Variants in CSMD1 observed in about 807,000 individuals in gnomAD.
The protein encoded by CSMD1 is CUB and Sushi multiple domains 1, also known as CUB and sushi domain-containing protein 1.
In CSMD1, 213 loss-of-function variants were observed where a neutral mutation model predicts 417.5. That is an observed-to-expected ratio of 0.51 (90% confidence interval 0.46 to 0.57). The LOEUF is 0.57. CSMD1 is among the 20% of genes least tolerant of loss of function. The probability of loss-of-function intolerance (pLI) is 0.00; values close to 1 mark genes in which losing one functional copy is unlikely to be tolerated. For missense variants in CSMD1, 6,923 were observed against 4,529.7 expected (o/e 1.53, Z -15.17); for synonymous variants, 2,862 against 1,736.8 (o/e 1.65, Z -16.11).
chr8:3,442,829 GA>G (rs566936771), intron 12 of CSMD1, among the ~76,000 whole-genome samples: 4 of 151,086 alleles, frequency 2.6e-5, no homozygotes, highest in Non-Finnish European at 2.9e-5. Context: ...TTAGTACATA[GA>G]TTTTTTTTTT....
chr8:4,602,884 C>G (rs12676704), intron 2 of CSMD1, among the ~76,000 whole-genome samples: 2 of 151,376 alleles, frequency 1.3e-5, no homozygotes, highest in Non-Finnish European at 2.9e-5. Flanking sequence ...TAAATAATAA[C>G]GCTATCATAT....
chr8:3,574,727 G>T (rs1449839693), intron 10 of CSMD1, among the ~76,000 whole-genome samples: 1 of 152,178 alleles, frequency 6.6e-6, no homozygotes, highest in East Asian at 1.9e-4. Flanking sequence ...CTCTCCAGAA[G>T]CACTAAATGG....
At chr8:4,463,742 G>T (rs956462710) in intron 2 of CSMD1, among the ~76,000 whole-genome samples, 1 of 152,152 alleles carries the variant, frequency 6.6e-6, no homozygotes, top group African/African-American at 2.4e-5. Context: ...TTTGGGCCGT[G>T]GGGCTGAGGG....
At chr8:3,985,929 C>A (rs372695692) in intron 5 of CSMD1, among the ~76,000 whole-genome samples, 46 of 104,540 alleles carry the variant, frequency 4.4e-4, no homozygotes, top group African/African-American at 1.7e-3. Context: ...TTTTGCATAA[C>A]TCAATTTTTT....
At chr8:3,456,217 T>C (rs558592000) in intron 12 of CSMD1, among the ~76,000 whole-genome samples, 2 of 152,226 alleles carry the variant, frequency 1.3e-5, no homozygotes, top group South Asian at 4.1e-4. Context: ...GTCACCCCTT[T>C]CTTTGACTAG....
chr8:4,359,039 C>T (rs1801600895), intron 3 of CSMD1, among the ~76,000 whole-genome samples: 1 of 151,894 alleles, frequency 6.6e-6, no homozygotes, highest in African/African-American at 2.4e-5. Flanking sequence ...ATATATGTGG[C>T]AAAATCAATA....
At chr8:3,556,500 A>G (rs945565086) in intron 10 of CSMD1, among the ~76,000 whole-genome samples, 5 of 137,780 alleles carry the variant, frequency 3.6e-5, no homozygotes, top group Admixed American at 1.5e-4. Context: ...ACAAAATACA[A>G]ACTTCTTTTT....
intron 1 of CSMD1, among the ~76,000 whole-genome samples, chr8:4,741,831 T>C (rs894128490): frequency 3.3e-5 from 5 of 151,878 alleles, no homozygotes; most frequent in Admixed American, 6.6e-5. Context: ...TTTAAGGAGT[T>C]TGGGTGTTAT....
At chr8:3,599,401 C>A (rs1228670839) in intron 8 of CSMD1, among the ~76,000 whole-genome samples, 1 of 151,642 alleles carries the variant, frequency 6.6e-6, no homozygotes, top group African/African-American at 2.4e-5. Context: ...CAGCATTATT[C>A]ACCACAATAT....
intron 2 of CSMD1, among the ~76,000 whole-genome samples, chr8:4,566,461 G>A (rs1798612477): frequency 6.6e-6 from 1 of 151,586 alleles, no homozygotes; most frequent in Admixed American, 6.6e-5. Context: ...AGACCATCCT[G>A]GCTAACAAGG....
intron 3 of CSMD1, among the ~76,000 whole-genome samples, chr8:4,301,223 A>C (rs984993855): frequency 1.3e-5 from 2 of 152,286 alleles, no homozygotes; most frequent in East Asian, 3.9e-4. Context: ...CTAGTTTGTC[A>C]AAACAATCTC....
Position 3,781,248 on chromosome 8 carries a change from G to A in CSMD1, c.819-27206C>T, listed in dbSNP as rs547024056. ...TGCACCTGTTCAATTTTGTGAATCA[G>A]AATGTGCACTACCACAGAGTACATG... On this transcript the variant is annotated intron_variant, in intron 5 of 69. Coordinates refer to ENST00000635120, the MANE Select transcript of CSMD1 (RefSeq NM_033225.6). Among the ~76,000 whole-genome samples, 4 of 152,254 alleles carry A rather than the reference G, an allele frequency of 2.6e-5. No individual in the cohort carries two copies. The East Asian group carries it at 7.7e-4, about 29-fold the overall frequency.
chr8:4,069,451 T>C (rs544001756), intron 3 of CSMD1, among the ~76,000 whole-genome samples: 2 of 152,272 alleles, frequency 1.3e-5, no homozygotes, highest in South Asian at 2.1e-4. Context: ...GGAAATACAG[T>C]TTTGTCTTTC....
At chr8:3,866,074 T>C (rs570195332) in intron 5 of CSMD1, among the ~76,000 whole-genome samples, 1 of 152,290 alleles carries the variant, frequency 6.6e-6, no homozygotes, top group African/African-American at 2.4e-5. Context: ...CTTTAAAAAT[T>C]CTATTCATGA....
At chr8:3,424,592 T>C (rs556921344) in intron 12 of CSMD1, among the ~76,000 whole-genome samples, 12 of 152,360 alleles carry the variant, frequency 7.9e-5, no homozygotes, top group East Asian at 1.9e-4. Context: ...TTCAAAAATG[T>C]AACCCTAGTA....
chr8:4,185,530 A>G (rs551379818), intron 3 of CSMD1, among the ~76,000 whole-genome samples: 59 of 152,334 alleles, frequency 3.9e-4, no homozygotes, highest in Middle Eastern at 3.4e-3. Context: ...AAGTGGGCAT[A>G]AAGAGAAACA....
intron 7 of CSMD1, among the ~76,000 whole-genome samples, chr8:3,680,738 A>C (rs1052698039): frequency 3.3e-5 from 5 of 152,202 alleles, no homozygotes; most frequent in African/African-American, 1.2e-4. Flanking sequence ...ACAACCAAAA[A>C]AGAGAATTTT....
chr8:4,761,907 CTATCAATCTATCTAT>C lies in CSMD1; in HGVS notation c.86-124364_86-124350del, dbSNP rs1563319676. On this transcript the variant is annotated intron_variant, in intron 1 of 69. Coordinates refer to ENST00000635120, the MANE Select transcript of CSMD1 (RefSeq NM_033225.6). ...TCTATCTACCTACCTATCTATCTAT[CTATCAATCTATCTAT>C]CTATCTATCTATCTATCTATCTATC... Among the ~76,000 whole-genome samples, 1,106 of 121,606 alleles carry C rather than the reference CTATCAATCTATCTAT, an allele frequency of 9.1e-3. 14 individuals carry two copies. Among genetic ancestry groups the C allele is most frequent in the Admixed American group, 0.029 (362 of 12,654 alleles). 79.8% of individuals were successfully genotyped at this position (121,606 alleles called of 152,430 possible). A position where few individuals can be genotyped will look rare whatever the true frequency, so the allele number is the denominator to read the frequency against.
At chr8:3,183,074 A>C (rs1034867129) in intron 36 of CSMD1, 1 of 151,898 alleles carries the variant, frequency 6.6e-6, no homozygotes, top group African/African-American at 2.4e-5. Context: ...AGGCTTTTTA[A>C]ACATGAAGTG....
Sources: gnomAD v4.1 joint callset for allele counts (sites outside exome capture counted in the v4.1 genomes callset) on GRCh38, gnomAD v4.1.1 for gene constraint, MANE v1.5 for transcripts, NCBI Gene and HGNC (gene_info 2026-07-23, HGNC 2026-07-21) for gene names.